Variants in IQGAP3 observed in about 807,000 individuals in gnomAD.
IQGAP3 encodes IQ motif containing GTPase activating protein 3.
IQGAP3 carries 165 observed loss-of-function variants against 208.2 expected under a neutral mutation model. The ratio of observed to expected loss-of-function variants is 0.79; its 90% CI spans 0.70 to 0.90. The LOEUF is 0.90. Ranked by LOEUF, IQGAP3 falls within the 40% of genes least tolerant of loss-of-function variation. The pLI, the probability that IQGAP3 is intolerant of heterozygous loss-of-function variation, is 0.00. For missense variants in IQGAP3, 1,811 were observed against 2,043.1 expected (o/e 0.89, Z 2.19); for synonymous variants, 703 against 803.6 (o/e 0.87, Z 2.12).
chr1:156,542,792 T>G (rs1416471509), intron 22 of IQGAP3, among the ~76,000 whole-genome samples: 1 of 151,862 alleles, frequency 6.6e-6, no homozygotes, highest in African/African-American at 2.4e-5. Flanking sequence ...AATCAAAAAG[T>G]TAGCCAGTTG....
Position 156,528,543 on chromosome 1 carries a change from C to T in IQGAP3, c.4639G>A (p.Val1547Ile), listed in dbSNP as rs373589838. Residue 1547 changes from valine to isoleucine, a missense_variant, in exon 36 of 38, where the codon GTC becomes ATC. By Grantham distance (29) the Val-to-Ile change is conservative (BLOSUM62 3). Transcript: ENST00000361170. ...YTAAQLLEKG[V>I]LVEIEDLPAS... ...GGAAGATCTTCAATTTCCACCAAGA[C>T]ACCCTTTTCCAGGAGCTGAGCAGCA... 1.2e-6 allele frequency: 2 copies of T among 1,613,912 alleles called. No homozygotes were observed. The highest frequency in any genetic ancestry group is 1.7e-5 in the Admixed American group (1 of 59,986).
At chr1:156,537,437 G>A (rs969283717) in intron 26 of IQGAP3, 116 bp from the exon 27 acceptor site, 4 of 1,007,000 alleles carry the variant, frequency 4.0e-6, no homozygotes, top group African/African-American at 3.3e-5. Context: ...ATGTGCTAAG[G>A]ACAGCTCAGC....
intron 33 of IQGAP3, among the ~76,000 whole-genome samples, 172 bp from the exon 34 acceptor site, chr1:156,530,489 C>T (rs555867777): frequency 1.5e-3 from 234 of 152,236 alleles, no homozygotes; most frequent in Admixed American, 3.6e-3. Context: ...GGCAGGGCAT[C>T]GCTTATGAAG....
At chr1:156,543,408 AG>A (rs1410686739) in intron 22 of IQGAP3, among the ~76,000 whole-genome samples, 2 of 152,228 alleles carry the variant, frequency 1.3e-5, no homozygotes, top group Admixed American at 1.3e-4. Context: ...TCAGGAACCC[AG>A]GGGCTAGAGG....
At chr1:156,557,271 G>A (rs1345240082) in intron 11 of IQGAP3, among the ~76,000 whole-genome samples, 1 of 6,678 alleles carries the variant, frequency 1.5e-4, no homozygotes, top group African/African-American at 1.6e-4. Context: ...CCGGCCAGCC[G>A]CCCCGTCCGG....
At chr1:156,534,196 T>G in intron 29 of IQGAP3, 55 bp from the exon 30 acceptor site, 2 of 1,605,716 alleles carry the variant, frequency 1.2e-6, no homozygotes, top group Non-Finnish European at 1.7e-6. Context: ...CCCACACATC[T>G]TCTGTCCCCA....
At chr1:156,555,716 T>C (rs1012753471) in intron 12 of IQGAP3, among the ~76,000 whole-genome samples, 3 of 152,218 alleles carry the variant, frequency 2.0e-5, no homozygotes, top group Non-Finnish European at 4.4e-5. Flanking sequence ...TCAAAGAAAT[T>C]GAGCAGCAGA....
At chr1:156,542,948 CAAAT>C (rs1675055311) in intron 22 of IQGAP3, among the ~76,000 whole-genome samples, 1 of 145,214 alleles carries the variant, frequency 6.9e-6, no homozygotes, top group African/African-American at 2.7e-5. Flanking sequence ...CCTAAATAAA[CAAAT>C]AAATAAATAA....
chr1:156,570,445 G>C (rs1676598599), intron 1 of IQGAP3, among the ~76,000 whole-genome samples: 1 of 150,536 alleles, frequency 6.6e-6, no homozygotes, highest in South Asian at 2.1e-4. Context: ...GCCTAGACCT[G>C]AGCCCAGGAG....
intron 22 of IQGAP3, among the ~76,000 whole-genome samples, chr1:156,542,379 A>T (rs567470097): frequency 6.6e-6 from 1 of 152,022 alleles, no homozygotes; most frequent in Non-Finnish European, 1.5e-5. Context: ...TAGTAGAGAC[A>T]GGGTTTCACC....
chr1:156,530,858 C>T (rs1674358043), intron 33 of IQGAP3, among the ~76,000 whole-genome samples: 3 of 152,158 alleles, frequency 2.0e-5, no homozygotes, highest in Admixed American at 6.5e-5. Flanking sequence ...TGAGTGCAGG[C>T]CTTCCAGGGG....
At chr1:156,561,329 G>C (rs1676141848) in intron 10 of IQGAP3, among the ~76,000 whole-genome samples, 1 of 152,100 alleles carries the variant, frequency 6.6e-6, no homozygotes. Flanking sequence ...CACCACACCA[G>C]CTAATTTTTG....
chr1:156,533,680 T>C, intron 31 of IQGAP3, 93 bp downstream of exon 31: 1 of 980,842 alleles, frequency 1.0e-6, no homozygotes. Flanking sequence ...AGACCTAGGC[T>C]GCATGGGCAC....
intron 37 of IQGAP3, among the ~76,000 whole-genome samples, chr1:156,526,923 C>T (rs1422917609): frequency 6.6e-6 from 1 of 152,028 alleles, no homozygotes; most frequent in African/African-American, 2.4e-5. Context: ...ATCTCCGCCT[C>T]CCAGGTTCAA....
intron 13 of IQGAP3, among the ~76,000 whole-genome samples, chr1:156,553,171 G>A (rs1571344411): frequency 6.6e-6 from 1 of 152,058 alleles, no homozygotes; most frequent in African/African-American, 2.4e-5. Flanking sequence ...GCAAGACCCT[G>A]TCTCTAAAAA....
Position 156,556,564 on chromosome 1 carries a change from A to G in IQGAP3, c.1259T>C (p.Leu420Pro), listed in dbSNP as rs764989116. The G allele has an allele frequency of 6.2e-7, 1 of 1,613,658 alleles. No homozygotes were observed. The highest frequency in any genetic ancestry group is 1.1e-5 in the South Asian group (1 of 91,068). The stretch of plus-strand genomic sequence containing the variant: ...CTGCTGCTGGAGCACTGCCAGCTCC[A>G]GCTGGTACATAGACGATGCAACAGG... ...VYPVASSMYQ[L>P]ELAVLQQQQG... Residue 420 changes from leucine to proline, a missense_variant, in exon 12 of 38, where the codon CTG (leucine) becomes CCG (proline). By Grantham distance (98) the Leu-to-Pro change is moderately conservative. Transcript: ENST00000361170.
chr1:156,568,598 T>C (rs1778837), intron 2 of IQGAP3, among the ~76,000 whole-genome samples: 146,438 of 152,266 alleles, frequency 0.96, 70,683 homozygotes, highest in East Asian at 1. Context: ...TGGCTCACTG[T>C]GGCCTCCTCG....
chr1:156,566,199 G>C (rs1483211664), intron 3 of IQGAP3, 95 bp from the exon 4 acceptor site: 2 of 1,294,894 alleles, frequency 1.5e-6, no homozygotes, highest in Non-Finnish European at 1.1e-6. Context: ...AGGAGAGATG[G>C]GCAGAGGGGA....
chr1:156,560,376 T>C (rs1273969402), intron 11 of IQGAP3, among the ~76,000 whole-genome samples: 1 of 152,080 alleles, frequency 6.6e-6, no homozygotes, highest in Non-Finnish European at 1.5e-5. Context: ...TCTGCCATGG[T>C]GGCAGGTGCC....
Sources: gnomAD v4.1 joint callset for allele counts (sites outside exome capture counted in the v4.1 genomes callset) on GRCh38, gnomAD v4.1.1 for gene constraint, MANE v1.5 for transcripts, NCBI Gene and HGNC (gene_info 2026-07-23, HGNC 2026-07-21) for gene names.